The following CYRIA variants were observed in gnomAD, a reference collection of about 807,000 sequenced individuals.
The protein encoded by CYRIA is CYFIP-related Rac1 interactor A.
CYRIA carries 15 observed loss-of-function variants against 43.9 expected under a neutral mutation model. That is an observed-to-expected ratio of 0.34 (90% CI 0.23 to 0.53). The LOEUF (loss-of-function observed/expected upper bound fraction) is 0.53, where lower values mean the gene tolerates loss of function less well. Among genes scored for constraint, CYRIA ranks in the 20% least tolerant of loss-of-function variants. CYRIA has a pLI of 0.94. For synonymous variants in CYRIA, 117 were observed against 136.0 expected (o/e 0.86, Z 0.97); for missense variants, 236 against 394.2 (o/e 0.60, Z 3.40).
At chr2:16,635,965 A>G (rs890976127) in intron 1 of CYRIA, among the ~76,000 whole-genome samples, 7 of 152,200 alleles carry the variant, frequency 4.6e-5, no homozygotes, top group African/African-American at 1.7e-4. Flanking sequence ...GCGTTGGATA[A>G]GAAACGCGAC....
intron 1 of CYRIA, among the ~76,000 whole-genome samples, chr2:16,649,664 G>A (rs1189518079): frequency 1.3e-5 from 2 of 151,928 alleles, no homozygotes; most frequent in African/African-American, 2.4e-5. Flanking sequence ...GTACAGCACA[G>A]GGAACAGTTA....
chr2:16,554,976 T>C (rs2103399573), intron 11 of CYRIA, 93 bp downstream of exon 11: 1 of 868,522 alleles, frequency 1.2e-6, no homozygotes, highest in South Asian at 1.8e-5. Context: ...TATGCAAGGG[T>C]TAAGTTTGGT....
rs1481019937 is a variant in CYRIA, at chr2:16,629,027, A to T, written c.-166-5008T>A. 2.0e-5 allele frequency among the ~76,000 whole-genome samples: 3 copies of T among 152,152 alleles called. No homozygotes were observed. The East Asian group carries it at 5.8e-4, about 29-fold the overall frequency. On this transcript the variant is annotated intron_variant, in intron 1 of 11. Coordinates refer to ENST00000381323, the MANE Select transcript of CYRIA (RefSeq NM_030797.4). ...GGAACCCTAATACCCAGCTGTTCTG[A>T]TAAGCAGCCTGTCCCTCAAGAGTGA...
At chr2:16,642,893 C>G (rs768266472) in intron 1 of CYRIA, among the ~76,000 whole-genome samples, 1 of 152,052 alleles carries the variant, frequency 6.6e-6, no homozygotes, top group African/African-American at 2.4e-5. Flanking sequence ...CCTGCAACAG[C>G]CATAATCTCC....
chr2:16,653,674 T>C (rs1670029626), intron 1 of CYRIA, among the ~76,000 whole-genome samples: 1 of 152,202 alleles, frequency 6.6e-6, no homozygotes, highest in African/African-American at 2.4e-5. Context: ...CAACTCATTG[T>C]AGGTGCTCAA....
Position 16,588,105 on chromosome 2 carries a change from G to C in CYRIA, c.15C>G (p.Leu5=). 1.9e-6 allele frequency: 3 copies of C among 1,607,110 alleles called. No homozygotes were observed. The highest frequency in any genetic ancestry group is 2.5e-6 in the Non-Finnish European group (3 of 1,176,686). MGNL[L]KVLTREIENY... Reference sequence around the variant, plus strand: ...TTTCAATTTCCCTGGTAAGGACTTTGAGCAGGTTTCCCATCCCAGCAAACC... The same window carrying C: ...TTTCAATTTCCCTGGTAAGGACTTTCAGCAGGTTTCCCATCCCAGCAAACC... The change falls in exon 3 of 12, where the codon CTC becomes CTG. Residue 5 remains leucine (L), a synonymous_variant. Transcript: ENST00000381323.
At chr2:16,581,042 T>G (rs1324049937) in intron 3 of CYRIA, among the ~76,000 whole-genome samples, 1 of 152,192 alleles carries the variant, frequency 6.6e-6, no homozygotes, top group African/African-American at 2.4e-5. Flanking sequence ...GACCTTGGTA[T>G]AGGTCATAAT....
intron 2 of CYRIA, among the ~76,000 whole-genome samples, chr2:16,617,610 C>T (rs1428444808): frequency 6.6e-6 from 1 of 152,252 alleles, no homozygotes; most frequent in African/African-American, 2.4e-5. Context: ...AGGGTACACA[C>T]TGAGCCCCTT....
At chr2:16,584,582 C>T (rs1261756645) in intron 3 of CYRIA, among the ~76,000 whole-genome samples, 4 of 152,194 alleles carry the variant, frequency 2.6e-5, no homozygotes, top group Non-Finnish European at 4.4e-5. Flanking sequence ...AGCCCCAGTG[C>T]TGGACATCTA....
At chr2:16,630,142 C>T (rs1044869614) in intron 1 of CYRIA, among the ~76,000 whole-genome samples, 1 of 152,210 alleles carries the variant, frequency 6.6e-6, no homozygotes, top group Non-Finnish European at 1.5e-5. Context: ...CCAGCCCTCG[C>T]CCCACTCTTG....
intron 1 of CYRIA, among the ~76,000 whole-genome samples, chr2:16,625,075 C>T (rs1212206863): frequency 6.6e-6 from 1 of 151,776 alleles, no homozygotes; most frequent in African/African-American, 2.4e-5. Context: ...AGCTCAAATG[C>T]ATGAGACAGT....
At chr2:16,640,195 C>T (rs563958381) in intron 1 of CYRIA, among the ~76,000 whole-genome samples, 82 of 152,334 alleles carry the variant, frequency 5.4e-4, no homozygotes, top group African/African-American at 1.4e-3. Context: ...ATCAGCAATC[C>T]TACCAATGCC....
chr2:16,638,692 C>G (rs1326837176), intron 1 of CYRIA, among the ~76,000 whole-genome samples: 3 of 152,158 alleles, frequency 2.0e-5, no homozygotes, highest in African/African-American at 7.2e-5. Flanking sequence ...GTAAAGGAAT[C>G]TGCATTTTGA....
At chr2:16,623,356 T>C (rs559550592) in intron 2 of CYRIA, among the ~76,000 whole-genome samples, 13 of 152,254 alleles carry the variant, frequency 8.5e-5, no homozygotes, top group African/African-American at 2.9e-4. Flanking sequence ...AGACATTGCG[T>C]TGGTGGTCAG....
At chr2:16,630,298 G>A (rs1291509222) in intron 1 of CYRIA, among the ~76,000 whole-genome samples, 1 of 152,128 alleles carries the variant, frequency 6.6e-6, no homozygotes, top group Non-Finnish European at 1.5e-5. Context: ...ACCCCCACCT[G>A]GGCCCTGACC....
At chr2:16,576,693 G>A (rs556459535) in intron 3 of CYRIA, among the ~76,000 whole-genome samples, 29 of 152,238 alleles carry the variant, frequency 1.9e-4, no homozygotes, top group African/African-American at 6.5e-4. Context: ...TTCACACCAC[G>A]ACTAGCAGAA....
At chr2:16,643,072 C>G (rs909650970) in intron 1 of CYRIA, among the ~76,000 whole-genome samples, 1 of 150,038 alleles carries the variant, frequency 6.7e-6, no homozygotes, top group Non-Finnish European at 1.5e-5. Flanking sequence ...TACTTTAGTA[C>G]TTTTTTCTTA....
Position 16,562,101 on chromosome 2 carries a change from T to C in CYRIA, c.339A>G (p.Pro113=). ...CCAGGTGTTGGGTTGGTGTGTAGGG[T>C]GGACAAGTCAGAGATTCCAATAAAC... ...LQSLLESLTC[P]PYTPTQHLER... The change falls in exon 6 of 12, where the codon CCA becomes CCG. Residue 113 remains proline (P), a synonymous_variant. Coordinates refer to ENST00000381323, the MANE Select transcript of CYRIA (RefSeq NM_030797.4). 1.2e-6 allele frequency: 2 copies of C among 1,613,030 alleles called. No individual in the cohort carries two copies. The highest frequency in any genetic ancestry group is 1.7e-6 in the Non-Finnish European group (2 of 1,179,376).
chr2:16,636,807 T>TA (rs111881949), intron 1 of CYRIA, among the ~76,000 whole-genome samples: 33,252 of 150,072 alleles, frequency 0.22, 6,432 homozygotes, highest in East Asian at 0.61. Flanking sequence ...AAAAAAAAAA[T>TA]AAGAAAGAAA....
Sources: allele counts gnomAD v4.1 joint callset (sites outside exome capture counted in the v4.1 genomes callset), GRCh38; gene constraint gnomAD v4.1.1; transcripts MANE v1.5; gene names NCBI Gene and HGNC (gene_info 2026-07-23, HGNC 2026-07-21).